The following MARK3 variants were observed in gnomAD, a reference collection of about 807,000 sequenced individuals.
The protein encoded by MARK3 is MAP/microtubule affinity-regulating kinase 3.
Under a neutral mutation model 90.1 loss-of-function variants are expected in MARK3, and 46 were observed. That is an observed-to-expected ratio of 0.51 (90% CI 0.40 to 0.65). MARK3 has a LOEUF of 0.65. Ranked by LOEUF, MARK3 falls within the 30% of genes least tolerant of loss-of-function variation. MARK3 has a pLI of 0.00. For synonymous variants in MARK3, 321 were observed against 332.6 expected (o/e 0.97, Z 0.38); for missense variants, 818 against 947.2 (o/e 0.86, Z 1.79).
intron 5 of MARK3, among the ~76,000 whole-genome samples, 196 bp from the exon 6 acceptor site, chr14:103,456,946 C>T (rs1374105101): frequency 1.3e-5 from 2 of 152,118 alleles, no homozygotes; most frequent in Non-Finnish European, 2.9e-5. Flanking sequence ...TAAGGCTTTT[C>T]TTCAGCTTAA....
intron 12 of MARK3, among the ~76,000 whole-genome samples, chr14:103,468,629 A>AT (rs2093564840): frequency 6.6e-6 from 1 of 151,620 alleles, no homozygotes; most frequent in Admixed American, 6.6e-5. Flanking sequence ...CCTGGCCAGC[A>AT]TTTTTTCTTA....
intron 3 of MARK3, among the ~76,000 whole-genome samples, chr14:103,435,443 C>G (rs1205049594): frequency 6.6e-6 from 1 of 152,226 alleles, no homozygotes; most frequent in Non-Finnish European, 1.5e-5. Context: ...GAGTCTCGCT[C>G]TGTCACCCAG....
chr14:103,386,350 T>C lies in MARK3; in HGVS notation c.51+270T>C, dbSNP rs184009021. On this transcript the variant is annotated intron_variant, in intron 1 of 17. Transcript: ENST00000429436. Reference sequence around the variant, plus strand: ...GAGTTGCAGCGTTACGGATCGGTGCTTTGAGAGGCCAGGTTGCCGCGCAAT... The same window carrying C: ...GAGTTGCAGCGTTACGGATCGGTGCCTTGAGAGGCCAGGTTGCCGCGCAAT... The C allele has an allele frequency of 1.1e-4, 74 of 689,112 alleles. No homozygotes were observed. In the African/African-American group the frequency reaches 1.1e-3, roughly 10 times the overall value. The allele number at this position is 689,112 out of a possible 1,614,324, so 42.7% of individuals were successfully genotyped here.
chr14:103,396,729 C>G (rs1239311063), intron 1 of MARK3, among the ~76,000 whole-genome samples: 1 of 152,054 alleles, frequency 6.6e-6, no homozygotes, highest in South Asian at 2.1e-4. Flanking sequence ...TCCTTCATCT[C>G]TCATAAGAAC....
At chr14:103,409,289 G>C (rs2091485226) in intron 2 of MARK3, among the ~76,000 whole-genome samples, 1 of 151,944 alleles carries the variant, frequency 6.6e-6, no homozygotes, top group South Asian at 2.1e-4. Flanking sequence ...ACACACCAGG[G>C]CCTGTCGGGG....
intron 2 of MARK3, among the ~76,000 whole-genome samples, chr14:103,413,036 G>A (rs991580487): frequency 2.0e-5 from 3 of 151,618 alleles, no homozygotes; most frequent in Non-Finnish European, 4.4e-5. Context: ...CACCATGCCC[G>A]GCTAATTTTT....
chr14:103,412,290 T>C, intron 2 of MARK3: 2 of 652,186 alleles, frequency 3.1e-6, no homozygotes, highest in South Asian at 1.8e-5. Context: ...AAACATAACA[T>C]GTTCATATGA....
intron 2 of MARK3, among the ~76,000 whole-genome samples, chr14:103,425,249 A>ATTTATTATTTAT (rs376880922): frequency 6.8e-6 from 1 of 146,630 alleles, no homozygotes; most frequent in Non-Finnish European, 1.5e-5. Context: ...CTATTTATTT[A>ATTTATTATTTAT]TTATTTATTT....
intron 2 of MARK3, among the ~76,000 whole-genome samples, chr14:103,425,148 G>T (rs1207737198): frequency 6.6e-6 from 1 of 152,044 alleles, no homozygotes; most frequent in East Asian, 1.9e-4. Context: ...CACCATGTTG[G>T]CCAGGATGGT....
intron 14 of MARK3, among the ~76,000 whole-genome samples, chr14:103,484,870 G>T (rs567666499): frequency 6.7e-6 from 1 of 148,698 alleles, no homozygotes; most frequent in African/African-American, 2.5e-5. Context: ...GCAGTGAGCC[G>T]AGATAGCGCC....
chr14:103,386,180 T>A, intron 1 of MARK3, 100 bp downstream of exon 1: 1 of 1,173,046 alleles, frequency 8.5e-7, no homozygotes, highest in Non-Finnish European at 1.3e-6. Context: ...CCGAACGCTC[T>A]GGAAATAGAG....
At chr14:103,468,326 T>C in intron 12 of MARK3, 140 bp downstream of exon 12, 9 of 640,274 alleles carry the variant, frequency 1.4e-5, no homozygotes, top group Admixed American at 4.0e-5. Flanking sequence ...TTTTTTTTTT[T>C]TTTTTTTTTT....
intron 14 of MARK3, among the ~76,000 whole-genome samples, chr14:103,482,923 G>A (rs190020339): frequency 1.1e-4 from 17 of 152,188 alleles, no homozygotes; most frequent in Non-Finnish European, 2.2e-4. Context: ...TGAAGGTGTC[G>A]TCTTTCTCTT....
At chr14:103,395,787 T>C (rs762984474) in intron 1 of MARK3, among the ~76,000 whole-genome samples, 1 of 152,246 alleles carries the variant, frequency 6.6e-6, no homozygotes, top group African/African-American at 2.4e-5. Flanking sequence ...TTTTCTGTCT[T>C]ATATAGCATC....
At chr14:103,450,411 C>G (rs533209522) in intron 4 of MARK3, among the ~76,000 whole-genome samples, 10 of 152,260 alleles carry the variant, frequency 6.6e-5, no homozygotes, top group African/African-American at 2.2e-4. Flanking sequence ...TTTATTTTGT[C>G]TTTTAATTAC....
Position 103,432,109 on chromosome 14 carries a change from A to G in MARK3, c.297+3669A>G, listed in dbSNP as rs538053768. ...TAGCTGCTATGTAAATTAGATATGG[A>G]TGTCTCCATCCAATTAAAATATTAA... On this transcript the variant is annotated intron_variant, in intron 3 of 17. Transcript: ENST00000429436. Among the ~76,000 whole-genome samples, 9 of 152,186 alleles carry G rather than the reference A, an allele frequency of 5.9e-5. No homozygotes were observed. The East Asian group carries it at 1.4e-3, about 23-fold the overall frequency.
chr14:103,397,961 A>C (rs1346369609), intron 1 of MARK3, among the ~76,000 whole-genome samples: 1 of 152,126 alleles, frequency 6.6e-6, no homozygotes, highest in African/African-American at 2.4e-5. Flanking sequence ...TAATGTGTTT[A>C]GTATGTGTAT....
At chr14:103,422,988 C>T (rs1285109802) in intron 2 of MARK3, among the ~76,000 whole-genome samples, 1 of 152,118 alleles carries the variant, frequency 6.6e-6, no homozygotes, top group African/African-American at 2.4e-5. Context: ...AGTGTTATTA[C>T]ATGAAGAGAC....
At position 103,392,361 on chromosome 14, in the gene MARK3, A is replaced by G. The variant is rs115291848; in HGVS notation, c.51+6281A>G. Among the ~76,000 whole-genome samples, 139 of 152,274 alleles carry G rather than the reference A, an allele frequency of 9.1e-4. 2 individuals are homozygous for G. Among genetic ancestry groups the G allele is most frequent in the African/African-American group, 3.3e-3 (138 of 41,542 alleles). ...GTCTGTAACTCTCAAACTTAAGCAAACATTAGAATCACCTGAAGGGCTTTA... is the reference window on the plus strand; with the variant it reads ...GTCTGTAACTCTCAAACTTAAGCAAGCATTAGAATCACCTGAAGGGCTTTA... On this transcript the variant is annotated intron_variant, in intron 1 of 17. Coordinates refer to ENST00000429436, the MANE Select transcript of MARK3 (RefSeq NM_001128918.3).
Sources: gnomAD v4.1 joint callset for allele counts (sites outside exome capture counted in the v4.1 genomes callset) on GRCh38, gnomAD v4.1.1 for gene constraint, MANE v1.5 for transcripts, NCBI Gene and HGNC (gene_info 2026-07-23, HGNC 2026-07-21) for gene names.